THRA: variants seen among roughly 807,000 people sequenced by gnomAD.
THRA encodes the protein thyroid hormone receptor alpha.
Under a neutral mutation model 45.0 loss-of-function variants are expected in THRA, and 13 were observed. The observed-to-expected ratio is 0.29, with a 90% CI of 0.19 to 0.46. The LOEUF (loss-of-function observed/expected upper bound fraction) is 0.46. THRA is among the 20% of genes least tolerant of loss of function. The pLI is 1.00. For missense variants in THRA, 278 were observed against 556.1 expected (o/e 0.50, Z 5.03); for synonymous variants, 195 against 214.0 (o/e 0.91, Z 0.78).
intron 4 of THRA, among the ~76,000 whole-genome samples, chr17:40,079,368 A>T (rs544483997): frequency 6.6e-6 from 1 of 152,130 alleles, no homozygotes; most frequent in East Asian, 1.9e-4. Flanking sequence ...CTGCTTCAGC[A>T]TTGGTAGCTG....
At position 40,083,929 on chromosome 17, in the gene THRA, A is replaced by T; in HGVS notation, c.317A>T (p.Gln106Leu). The T allele has an allele frequency of 6.2e-7, 1 of 1,613,994 alleles. No individual in the cohort carries two copies. Among genetic ancestry groups the T allele is most frequent in the Non-Finnish European group, 8.5e-7 (1 of 1,179,912 alleles). ...CCVIDKITRN[Q>L]CQLCRFKKCI... ...GTCATTGACAAGATCACCCGCAATC[A>T]GTGCCAGCTGTGCCGCTTCAAGAAG... Residue 106 changes from glutamine (Q) to leucine (L), a missense_variant, in exon 5 of 9, where the codon CAG becomes CTG. Physicochemically the swap from Gln to Leu is moderately radical, Grantham distance 113. Coordinates refer to ENST00000450525, the MANE Select transcript of THRA (RefSeq NM_199334.5).
chr17:40,076,001 G>A (rs749784715), intron 2 of THRA, among the ~76,000 whole-genome samples: 3 of 152,204 alleles, frequency 2.0e-5, no homozygotes, highest in Non-Finnish European at 4.4e-5. Flanking sequence ...GGTGCGGGAG[G>A]TTATACAATC....
intron 2 of THRA, among the ~76,000 whole-genome samples, chr17:40,075,768 T>G (rs576373122): frequency 5.9e-5 from 9 of 152,272 alleles, no homozygotes; most frequent in African/African-American, 2.2e-4. Flanking sequence ...CTAGCTCAAC[T>G]GGGGCCTAGG....
chr17:40,085,504 TTG>T (rs1987290649), intron 6 of THRA, among the ~76,000 whole-genome samples: 4 of 151,704 alleles, frequency 2.6e-5, no homozygotes, highest in Admixed American at 2.0e-4. Context: ...TGGCTAATTT[TTG>T]TGTTTTTAGT....
rs1389256940 is a variant in THRA at position 40,082,758 on chromosome 17, C to CCTT, written c.223-1077_223-1076insCTT. On this transcript the variant is annotated intron_variant, in intron 4 of 8. Coordinates refer to ENST00000450525, the MANE Select transcript of THRA (RefSeq NM_199334.5). ...AACTGCTACACTATAGAATCGCATG[C>CCTT]TTTTTTTTTTTTTTTTTTTTTTTTT... 1.1e-3 allele frequency among the ~76,000 whole-genome samples: 72 copies of CCTT among 67,516 alleles called. 2 individuals carry two copies. The highest frequency in any genetic ancestry group is 1.3e-3 in the Non-Finnish European group (47 of 34,856). The allele number at this position is 67,516 out of a possible 152,430, so 44.3% of individuals were successfully genotyped here.
chr17:40,082,674 C>G (rs993036699), intron 4 of THRA, among the ~76,000 whole-genome samples: 6 of 151,162 alleles, frequency 4.0e-5, no homozygotes, highest in Non-Finnish European at 5.9e-5. Context: ...GGGGTGGACC[C>G]CGCCGTGGTT....
chr17:40,085,989 G>T (rs1006966737), intron 6 of THRA, among the ~76,000 whole-genome samples: 3 of 152,204 alleles, frequency 2.0e-5, no homozygotes, highest in Non-Finnish European at 4.4e-5. Context: ...GTGTGTGCCT[G>T]TGGTCCCAGC....
rs1987624550 is a variant in THRA, at chr17:40,092,686, G to A, written c.*3230G>A. The A allele has an allele frequency of 3.8e-6, 1 of 259,832 alleles. No individual in the cohort carries two copies. Among genetic ancestry groups the A allele is most frequent in the East Asian group, 7.1e-5 (1 of 13,996 alleles). 16.1% of individuals were successfully genotyped at this position (259,832 alleles called of 1,614,324 possible). A position where few individuals can be genotyped will look rare whatever the true frequency, so the allele number is the denominator to read the frequency against. On this transcript the variant is annotated 3_prime_UTR_variant, in exon 9 of 9. Coordinates refer to ENST00000450525, the MANE Select transcript of THRA (RefSeq NM_199334.5). The stretch of plus-strand genomic sequence containing the variant: ...GTTTCCCTATATCCTCCCATCTGCT[G>A]GCAGAGTACCCACCCCACAAACTGA...
At chr17:40,069,781 T>C (rs1327559815) in intron 1 of THRA, among the ~76,000 whole-genome samples, 1 of 151,708 alleles carries the variant, frequency 6.6e-6, no homozygotes, top group Non-Finnish European at 1.5e-5. Flanking sequence ...CCACCAGTGG[T>C]CATGGGGGAT....
intron 1 of THRA, among the ~76,000 whole-genome samples, chr17:40,073,732 A>G (rs1016368358): frequency 5.3e-5 from 8 of 152,144 alleles, no homozygotes; most frequent in African/African-American, 1.7e-4. Context: ...ATTCATGCTC[A>G]CTGCGTGCCG....
chr17:40,083,117 CAG>C (rs1277533451), intron 4 of THRA, among the ~76,000 whole-genome samples: 1 of 151,974 alleles, frequency 6.6e-6, no homozygotes, highest in Non-Finnish European at 1.5e-5. Flanking sequence ...TTAGTAGAGA[CAG>C]GGTTTCACCG....
In THRA at chr17:40,089,499, G is replaced by C; in HGVS notation, c.*43G>C. On this transcript the variant is annotated 3_prime_UTR_variant, in exon 9 of 9. Coordinates refer to ENST00000450525, the MANE Select transcript of THRA (RefSeq NM_199334.5). The surrounding 1 kb of genome is among the most constrained non-coding windows in gnomAD (Gnocchi z 6.1). ...GGGTGTGCGGAGCTGGTGGGGAGGA[G>C]CCTGGAGAGAAGGGGCAGAGCTGGG... 1 of 1,602,630 alleles carries C rather than the reference G, an allele frequency of 6.2e-7. No homozygotes were observed. Among genetic ancestry groups the C allele is most frequent in the Non-Finnish European group, 8.5e-7 (1 of 1,173,676 alleles).
chr17:40,087,425 C>A (rs904046992), intron 7 of THRA, among the ~76,000 whole-genome samples: 2 of 151,678 alleles, frequency 1.3e-5, no homozygotes, highest in African/African-American at 4.9e-5. Flanking sequence ...CACACACACA[C>A]ACACACACCT....
At chr17:40,076,735 A>G in intron 2 of THRA, 136 bp from the exon 3 acceptor site, 1 of 851,038 alleles carries the variant, frequency 1.2e-6, no homozygotes, top group Non-Finnish European at 1.8e-6. Context: ...TTGTCAGCTG[A>G]CCCTGGGGGG....
rs779456917 is a variant in THRA, at chr17:40,084,626, G to A, written c.387G>A (p.Ser129=). 7 of 1,614,078 alleles carry A rather than the reference G, an allele frequency of 4.3e-6. No homozygotes were observed. The highest frequency in any genetic ancestry group is 1.1e-5 in the South Asian group (1 of 91,058). The change falls in exon 6 of 9, where the codon TCG becomes TCA. Residue 129 remains serine, a synonymous_variant. Transcript: ENST00000450525. Reference sequence around the variant, plus strand: ...TGTTCACAGTGGTTCTAGATGACTCGAAGCGGGTGGCCAAGCGTAAGCTGA... The same window carrying A: ...TGTTCACAGTGGTTCTAGATGACTCAAAGCGGGTGGCCAAGCGTAAGCTGA... ...GMAMDLVLDD[S]KRVAKRKLIE...
Position 40,092,879 on chromosome 17 carries a change from T to G in THRA, c.*3423T>G. 8.1e-7 allele frequency: 1 copy of G among 1,228,418 alleles called. No homozygotes were observed. Among genetic ancestry groups the G allele is most frequent in the Non-Finnish European group, 1.1e-6 (1 of 900,246 alleles). 76.1% of individuals were successfully genotyped at this position (1,228,418 alleles called of 1,614,324 possible). A position where few individuals can be genotyped will look rare whatever the true frequency, so the allele number is the denominator to read the frequency against. The stretch of plus-strand genomic sequence containing the variant: ...TGTGGGGGAGACAGAGTGGTTTAAA[T>G]AGGGGAGGAGGGGAAGTTCGGTGAT... On this transcript the variant is annotated 3_prime_UTR_variant, in exon 9 of 9. Transcript: ENST00000450525.
downstream of THRA, chr17:40,093,338 C>G: frequency 6.2e-7 from 1 of 1,613,076 alleles, no homozygotes; most frequent in Non-Finnish European, 8.5e-7. This position sits in a 1 kb window ranked among gnomAD's most constrained non-coding sequence, Gnocchi z 5.9. Flanking sequence ...TGAGGAGGAA[C>G]CGGAGGTCTG....
rs528558919 is a variant in THRA at position 40,090,999 on chromosome 17, G to A, written c.*1543G>A. ...GGGAGAGAGGAGGTGGTCCTCCCAT[G>A]GGAGCAGGAGGTGGGGTGGGACAGA... On this transcript the variant is annotated 3_prime_UTR_variant, in exon 9 of 9. Coordinates refer to ENST00000450525, the MANE Select transcript of THRA (RefSeq NM_199334.5). The A allele has an allele frequency of 6.6e-6, 1 of 152,554 alleles. No individual in the cohort carries two copies. Among genetic ancestry groups the A allele is most frequent in the East Asian group, 1.9e-4 (1 of 5,196 alleles). 9.5% of individuals were successfully genotyped at this position (152,554 alleles called of 1,614,324 possible).
intron 4 of THRA, among the ~76,000 whole-genome samples, chr17:40,080,654 T>C (rs897495455): frequency 6.6e-6 from 1 of 151,656 alleles, no homozygotes; most frequent in Non-Finnish European, 1.5e-5. Context: ...CCTTGGATAG[T>C]TTTATTTTGT....
Sources: allele counts gnomAD v4.1 joint callset (sites outside exome capture counted in the v4.1 genomes callset), GRCh38; gene constraint gnomAD v4.1.1; non-coding constraint Gnocchi (gnomAD v3.1); transcripts MANE v1.5; gene names NCBI Gene and HGNC (gene_info 2026-07-23, HGNC 2026-07-21).